The following FBXO25 variants were observed in gnomAD, a reference collection of about 807,000 sequenced individuals.
The protein encoded by FBXO25 is F-box protein 25.
A neutral mutation model predicts 51.9 loss-of-function variants in FBXO25; 45 were observed. The observed-to-expected ratio is 0.87, with a 90% CI of 0.68 to 1.11. The LOEUF is 1.11. FBXO25 is among the 50% of genes most tolerant of loss of function. The pLI is 0.00. For missense variants in FBXO25, 507 were observed against 428.5 expected (o/e 1.18, Z -1.62); for synonymous variants, 199 against 151.0 (o/e 1.32, Z -2.33).
rs1162896013 is a variant in FBXO25 at position 474,544 on chromosome 8, C to CAACACCTGTTTTTAATA, written c.*5742_*5758dup. 1 of 348,510 alleles carries CAACACCTGTTTTTAATA rather than the reference C, an allele frequency of 2.9e-6. No homozygotes were observed. Among genetic ancestry groups the CAACACCTGTTTTTAATA allele is most frequent in the African/African-American group, 2.2e-5 (1 of 46,086 alleles). The allele number at this position is 348,510 out of a possible 1,614,324, so 21.6% of individuals were successfully genotyped here. On this transcript the variant is annotated 3_prime_UTR_variant, in exon 10 of 10. Coordinates refer to ENST00000350302, the MANE Select transcript of FBXO25 (RefSeq NM_183420.2). Reference sequence around the variant, plus strand: ...GGTTCCAGTTTTGCCACATCCTTGCCAACACCTGTTTTTAATAATTGCCAT... The same window carrying CAACACCTGTTTTTAATA: ...GGTTCCAGTTTTGCCACATCCTTGCCAACACCTGTTTTTAATAAACACCTGTTTTTAATAATTGCCAT...
chr8:464,931 A>G (rs910137534), intron 9 of FBXO25, among the ~76,000 whole-genome samples: 2 of 152,192 alleles, frequency 1.3e-5, no homozygotes, highest in African/African-American at 4.8e-5. Context: ...TTATCCCTCA[A>G]GAGCAGGGAA....
rs530424217 is a variant in FBXO25 at position 469,056 on chromosome 8, C to T, written c.*252C>T. On this transcript the variant is annotated 3_prime_UTR_variant, in exon 10 of 10. Coordinates refer to ENST00000350302, the MANE Select transcript of FBXO25 (RefSeq NM_183420.2). ...ATATTAAAATGTGAAATTTTGCGTA[C>T]TCTCTCTCTCTATATATATAGTTCA... 146 of 394,120 alleles carry T rather than the reference C, an allele frequency of 3.7e-4. No individual in the cohort carries two copies. Among genetic ancestry groups the T allele is most frequent in the Middle Eastern group, 2.0e-3 (3 of 1,484 alleles). 24.4% of individuals were successfully genotyped at this position (394,120 alleles called of 1,614,324 possible). A position where few individuals can be genotyped will look rare whatever the true frequency, so the allele number is the denominator to read the frequency against.
chr8:426,092 G>A (rs1216161338), intron 2 of FBXO25, among the ~76,000 whole-genome samples: 2 of 152,036 alleles, frequency 1.3e-5, no homozygotes, highest in Non-Finnish European at 2.9e-5. Flanking sequence ...TGTTAACCAT[G>A]GCATGCTGCA....
chr8:437,426 CTG>C (rs1798166348), intron 5 of FBXO25, among the ~76,000 whole-genome samples: 1 of 152,216 alleles, frequency 6.6e-6, no homozygotes, highest in African/African-American at 2.4e-5. Flanking sequence ...CTGTTGATTG[CTG>C]CCTTCCAAGC....
At chr8:426,148 C>A (rs551495325) in intron 2 of FBXO25, among the ~76,000 whole-genome samples, 1 of 152,140 alleles carries the variant, frequency 6.6e-6, no homozygotes. Context: ...TAAATAAAGA[C>A]CACCCTGCAG....
chr8:413,705 C>G (rs1452590785), intron 2 of FBXO25, among the ~76,000 whole-genome samples: 2 of 152,192 alleles, frequency 1.3e-5, no homozygotes, highest in African/African-American at 2.4e-5. Flanking sequence ...GGTGTATTAC[C>G]TGCTACATTT....
intron 9 of FBXO25, among the ~76,000 whole-genome samples, chr8:466,460 G>A (rs146500436): frequency 1.8e-3 from 273 of 152,312 alleles, no homozygotes; most frequent in African/African-American, 6.4e-3. Context: ...TTAGGGTTAG[G>A]GTCACTGCTT....
At chr8:426,825 C>A (rs1345256070) in intron 2 of FBXO25, among the ~76,000 whole-genome samples, 1 of 152,060 alleles carries the variant, frequency 6.6e-6, no homozygotes, top group Non-Finnish European at 1.5e-5. Flanking sequence ...CCTTGGTGCT[C>A]TTGTCGCCCT....
At chr8:433,845 C>T (rs546780207) in intron 4 of FBXO25, among the ~76,000 whole-genome samples, 1 of 152,278 alleles carries the variant, frequency 6.6e-6, no homozygotes, top group South Asian at 2.1e-4. Flanking sequence ...AAAACTTAAT[C>T]TGTTTGGTTA....
chr8:415,182 G>T (rs963932928), intron 2 of FBXO25, among the ~76,000 whole-genome samples: 3 of 152,138 alleles, frequency 2.0e-5, no homozygotes, highest in African/African-American at 7.2e-5. Context: ...CTTAGAAAAA[G>T]AACTATAGTA....
At chr8:440,747 C>T (rs1023712744) in intron 5 of FBXO25, among the ~76,000 whole-genome samples, 1 of 151,860 alleles carries the variant, frequency 6.6e-6, no homozygotes, top group Non-Finnish European at 1.5e-5. Context: ...AGCCCCCCAC[C>T]CCCCGACAGG....
chr8:459,126 C>T (rs997527732), intron 8 of FBXO25, among the ~76,000 whole-genome samples: 1 of 152,212 alleles, frequency 6.6e-6, no homozygotes, highest in Non-Finnish European at 1.5e-5. Flanking sequence ...GTTCCTGGGC[C>T]TCTGCAGAAA....
intron 1 of FBXO25, among the ~76,000 whole-genome samples, chr8:407,894 C>T (rs1332381680): frequency 6.6e-6 from 1 of 152,208 alleles, no homozygotes; most frequent in African/African-American, 2.4e-5. Flanking sequence ...GATTCCACCT[C>T]TGTCCTTGGG....
At position 477,280 on chromosome 8, in the gene FBXO25, G is replaced by C. The variant is rs62483140; in HGVS notation, c.*8476G>C. 1 of 152,222 alleles carries C rather than the reference G, an allele frequency of 6.6e-6. No homozygotes were observed. The highest frequency in any genetic ancestry group is 1.5e-5 in the Non-Finnish European group (1 of 68,060). The allele number at this position is 152,222 out of a possible 1,614,324, so 9.4% of individuals were successfully genotyped here. A position where few individuals can be genotyped will look rare whatever the true frequency, so the allele number is the denominator to read the frequency against. On this transcript the variant is annotated 3_prime_UTR_variant, in exon 10 of 10. Coordinates refer to ENST00000350302, the MANE Select transcript of FBXO25 (RefSeq NM_183420.2). Reference sequence around the variant, plus strand: ...CTGTTGTGTCTGTTAGGTCCAGCTGGTATGATGCTGTTCAAGTTCTGTCTT... The same window carrying C: ...CTGTTGTGTCTGTTAGGTCCAGCTGCTATGATGCTGTTCAAGTTCTGTCTT...
At chr8:438,050 A>C (rs896325869) in intron 5 of FBXO25, among the ~76,000 whole-genome samples, 3 of 151,674 alleles carry the variant, frequency 2.0e-5, no homozygotes, top group African/African-American at 7.3e-5. Context: ...TGAAAAACTT[A>C]ATGTGTATCT....
chr8:423,498 A>G (rs1324688757), intron 2 of FBXO25, among the ~76,000 whole-genome samples: 1 of 151,502 alleles, frequency 6.6e-6, no homozygotes, highest in Non-Finnish European at 1.5e-5. Flanking sequence ...GTTTGTGTCC[A>G]TGTGTGCTCA....
At chr8:440,682 C>T (rs1304527564) in intron 5 of FBXO25, among the ~76,000 whole-genome samples, 1 of 152,050 alleles carries the variant, frequency 6.6e-6, no homozygotes, top group Admixed American at 6.6e-5. Context: ...TGGTTTGCTG[C>T]ACCCATCAAC....
intron 7 of FBXO25, among the ~76,000 whole-genome samples, chr8:457,095 A>G (rs1374125399): frequency 1.3e-5 from 2 of 152,222 alleles, no homozygotes; most frequent in Non-Finnish European, 1.5e-5. Flanking sequence ...AAGTACATAC[A>G]TCGACCTATT....
In FBXO25 at chr8:472,423, A is replaced by G. The variant is rs1478272907; in HGVS notation, c.*3619A>G. 1 of 152,220 alleles carries G rather than the reference A, an allele frequency of 6.6e-6. No homozygotes were observed. The highest frequency in any genetic ancestry group is 1.5e-5 in the Non-Finnish European group (1 of 68,056). 9.4% of individuals were successfully genotyped at this position (152,220 alleles called of 1,614,324 possible). A position where few individuals can be genotyped will look rare whatever the true frequency, so the allele number is the denominator to read the frequency against. The stretch of plus-strand genomic sequence containing the variant: ...AAAGCCCACTAAGTCATGGTTTATG[A>G]TACCTTTTATACATAGCTGTTAGAT... On this transcript the variant is annotated 3_prime_UTR_variant, in exon 10 of 10. Coordinates refer to ENST00000350302, the MANE Select transcript of FBXO25 (RefSeq NM_183420.2).
Sources: gnomAD v4.1 joint callset for allele counts (sites outside exome capture counted in the v4.1 genomes callset) on GRCh38, gnomAD v4.1.1 for gene constraint, MANE v1.5 for transcripts, NCBI Gene and HGNC (gene_info 2026-07-23, HGNC 2026-07-21) for gene names.